Variants in OTUD7A observed in about 807,000 individuals in gnomAD.
OTUD7A encodes OTU domain-containing protein 7A.
Under a neutral mutation model 65.7 loss-of-function variants are expected in OTUD7A, and 12 were observed. The observed-to-expected ratio is 0.18, with a 90% confidence interval of 0.12 to 0.30. OTUD7A has a LOEUF of 0.30. OTUD7A is among the 10% of genes least tolerant of loss of function. OTUD7A has a pLI of 1.00. For missense variants in OTUD7A, 1,148 were observed against 1,304.8 expected (o/e 0.88, Z 1.85); for synonymous variants, 641 against 586.3 (o/e 1.09, Z -1.35).
intron 1 of OTUD7A, among the ~76,000 whole-genome samples, chr15:31,722,415 C>T (rs1184427884): frequency 2.0e-5 from 3 of 152,174 alleles, no homozygotes; most frequent in Admixed American, 2.0e-4. Context: ...CAGCTTCTCA[C>T]AGAACAGACA....
At chr15:31,690,875 G>T (rs2654101) in intron 1 of OTUD7A, among the ~76,000 whole-genome samples, 1 of 152,190 alleles carries the variant, frequency 6.6e-6, no homozygotes, top group Non-Finnish European at 1.5e-5. Context: ...GATTTGACAA[G>T]TATTTCTTGG....
In OTUD7A at chr15:31,653,985, T is replaced by C. The variant is rs1409458156; in HGVS notation, c.151+1111A>G. On this transcript the variant is annotated intron_variant, in intron 3 of 12. Transcript: ENST00000307050. ...CTTGTAAGGTGGGTTAAGCTCAACA[T>C]AGAAGAAATCTCAGGGTAAGGGAAG... Among the ~76,000 whole-genome samples the C allele has an allele frequency of 2.0e-4, 20 of 98,668 alleles. No individual in the cohort carries two copies. In the South Asian group the frequency reaches 7.4e-3, roughly 36 times the overall value. The allele number at this position is 98,668 out of a possible 152,430, so 64.7% of individuals were successfully genotyped here.
intron 1 of OTUD7A, among the ~76,000 whole-genome samples, chr15:31,772,351 T>C (rs1426443452): frequency 6.6e-6 from 1 of 152,182 alleles, no homozygotes; most frequent in Non-Finnish European, 1.5e-5. Flanking sequence ...GGCAATGCTA[T>C]GCCTTTTTCA....
At chr15:31,558,711 G>A (rs2141157249) in intron 5 of OTUD7A, 1 of 567,166 alleles carries the variant, frequency 1.8e-6, no homozygotes, top group South Asian at 2.3e-5. Flanking sequence ...CTCCTTAAAG[G>A]AGGACTGGGA....
rs143616269 is a variant in OTUD7A, at chr15:31,802,714, C to A, written c.-100+67793G>T. On this transcript the variant is annotated intron_variant, in intron 1 of 12. Coordinates refer to ENST00000307050, the MANE Select transcript of OTUD7A (RefSeq NM_001382637.1). ...GCTTTGAGGTACATTTAACATCTCA[C>A]ATCTTTTTTAATAGACCGGCTTATT... Among the ~76,000 whole-genome samples, 10 of 152,290 alleles carry A rather than the reference C, an allele frequency of 6.6e-5. No individual in the cohort carries two copies. In the East Asian group the frequency reaches 1.9e-3, roughly 29 times the overall value.
chr15:31,701,013 A>C (rs1893201683), intron 1 of OTUD7A, among the ~76,000 whole-genome samples: 2 of 152,218 alleles, frequency 1.3e-5, no homozygotes, highest in South Asian at 4.1e-4. Context: ...TCTAGTTGTG[A>C]GAAAATATTA....
rs760852763 is a variant in OTUD7A at position 31,789,958 on chromosome 15, A to T, written c.-100+80549T>A. Among the ~76,000 whole-genome samples, 41 of 152,254 alleles carry T rather than the reference A, an allele frequency of 2.7e-4. No individual in the cohort carries two copies. The South Asian group carries it at 4.1e-3, about 15-fold the overall frequency. Reference sequence around the variant, plus strand: ...ATCACTGCCACTGTTATGCAGTTAGAGGTACAGGGTGCCAGAGCGGGGAGA... The same window carrying T: ...ATCACTGCCACTGTTATGCAGTTAGTGGTACAGGGTGCCAGAGCGGGGAGA... On this transcript the variant is annotated intron_variant, in intron 1 of 12. Coordinates refer to ENST00000307050, the MANE Select transcript of OTUD7A (RefSeq NM_001382637.1).
chr15:31,659,040 TGAA>T (rs1892078251), intron 1 of OTUD7A, among the ~76,000 whole-genome samples: 1 of 112,162 alleles, frequency 8.9e-6, no homozygotes, highest in South Asian at 2.5e-4. Context: ...AATGAATGAA[TGAA>T]TAAATAAATA....
rs546358126 is a variant in OTUD7A, at chr15:31,590,054, C to T, written c.152-19857G>A. Among the ~76,000 whole-genome samples, 42 of 152,188 alleles carry T rather than the reference C, an allele frequency of 2.8e-4. No homozygotes were observed. In the South Asian group the frequency reaches 6.8e-3, roughly 25 times the overall value. On this transcript the variant is annotated intron_variant, in intron 3 of 12. Transcript: ENST00000307050. ...ACCATCATGTGCTATATGACAATTC[C>T]GTCAATGACAGACCACATACAATGG...
At chr15:31,808,167 A>G (rs190809149) in intron 1 of OTUD7A, among the ~76,000 whole-genome samples, 3 of 147,372 alleles carry the variant, frequency 2.0e-5, no homozygotes, top group Non-Finnish European at 4.5e-5. Context: ...TTTCCTTCAC[A>G]AGGTTTCAAC....
intron 6 of OTUD7A, among the ~76,000 whole-genome samples, chr15:31,528,824 G>A (rs1309691536): frequency 1.3e-5 from 2 of 152,268 alleles, no homozygotes; most frequent in African/African-American, 4.8e-5. Flanking sequence ...ATGTCATGTG[G>A]CAGCTTTGGG....
intron 1 of OTUD7A, among the ~76,000 whole-genome samples, chr15:31,777,500 C>T (rs75540024): frequency 0.016 from 2,255 of 142,800 alleles, 24 homozygotes; most frequent in Middle Eastern, 0.031. Flanking sequence ...CTTGGGTCAG[C>T]GCTGGCACTC....
chr15:31,559,180 C>G lies in OTUD7A; in HGVS notation c.339G>C (p.Arg113=), dbSNP rs113499482. 7.1e-5 allele frequency: 114 copies of G among 1,612,860 alleles called. No homozygotes were observed. In the Admixed American group the frequency reaches 1.5e-3, roughly 21 times the overall value. ...TGGCGTGGGAAATCCCCCGGGAAAGCCGCTTTTCTGCAGGGGGAGAAGGAA... is the reference window on the plus strand; with the variant it reads ...TGGCGTGGGAAATCCCCCGGGAAAGGCGCTTTTCTGCAGGGGGAGAAGGAA... ...QRQDDIAQEK[R]LSRGISHASS... is the part of the protein sequence containing the mutation. The change falls in exon 5 of 13, where the codon CGG becomes CGC. Residue 113 remains arginine, a synonymous_variant. Transcript: ENST00000307050.
At position 31,830,109 on chromosome 15, in the gene OTUD7A, C is replaced by CTGTG. The variant is rs1348192559; in HGVS notation, c.-100+40394_-100+40397dup. 9.2e-5 allele frequency among the ~76,000 whole-genome samples: 14 copies of CTGTG among 152,302 alleles called. No individual in the cohort carries two copies. The East Asian group carries it at 2.7e-3, about 29-fold the overall frequency. On this transcript the variant is annotated intron_variant, in intron 1 of 12. Coordinates refer to ENST00000307050, the MANE Select transcript of OTUD7A (RefSeq NM_001382637.1). ...CTGCTGCTTGCTCGAGTCCAAGCAT[C>CTGTG]TGTGTCCCACAGTTCCTGTTTCTTG...
intron 1 of OTUD7A, among the ~76,000 whole-genome samples, chr15:31,832,183 T>A (rs756961567): frequency 9.2e-5 from 14 of 152,210 alleles, no homozygotes; most frequent in Non-Finnish European, 1.5e-4. Flanking sequence ...CCCAGAGGTA[T>A]CTCAGGCATC....
At chr15:31,804,948 TAAC>T (rs1896230387) in intron 1 of OTUD7A, among the ~76,000 whole-genome samples, 1 of 152,196 alleles carries the variant, frequency 6.6e-6, no homozygotes, top group Admixed American at 6.5e-5. Flanking sequence ...CAGCACATAA[TAAC>T]ATCATAATTG....
intron 8 of OTUD7A, among the ~76,000 whole-genome samples, chr15:31,522,953 C>T (rs896759049): frequency 1.3e-5 from 2 of 152,240 alleles, no homozygotes; most frequent in African/African-American, 4.8e-5. Flanking sequence ...CAGGGGCTCC[C>T]AGAGCAGGAT....
intron 1 of OTUD7A, among the ~76,000 whole-genome samples, chr15:31,689,963 C>T (rs1325218393): frequency 6.6e-6 from 1 of 152,138 alleles, no homozygotes; most frequent in African/African-American, 2.4e-5. Flanking sequence ...CACCCCATCT[C>T]GACTGGGCAT....
chr15:31,752,029 T>C lies in OTUD7A; in HGVS notation c.-99-94952A>G, dbSNP rs190836759. 7.3e-3 allele frequency among the ~76,000 whole-genome samples: 1,118 copies of C among 152,244 alleles called. 10 individuals carry two copies. The highest frequency in any genetic ancestry group is 0.019 in the African/African-American group (801 of 41,540). ...TACCCTTGTAACAAACCTGCACACA[T>C]AGCTACTGAATCTAAAATTAAAATT... On this transcript the variant is annotated intron_variant, in intron 1 of 12. Transcript: ENST00000307050.
Sources: gnomAD v4.1 joint callset for allele counts (sites outside exome capture counted in the v4.1 genomes callset) on GRCh38, gnomAD v4.1.1 for gene constraint, MANE v1.5 for transcripts, NCBI Gene and HGNC (gene_info 2026-07-23, HGNC 2026-07-21) for gene names.